The following SPTBN2 variants were observed in gnomAD, a reference collection of about 807,000 sequenced individuals.
The protein encoded by SPTBN2 is spectrin beta, non-erythrocytic 2, also known as spectrin beta chain, non-erythrocytic 2.
Under a neutral mutation model 284.2 loss-of-function variants are expected in SPTBN2, and 107 were observed. That is an observed-to-expected ratio of 0.38 (90% CI 0.32 to 0.44). SPTBN2 has a LOEUF of 0.44. Among genes scored for constraint, SPTBN2 ranks in the 20% least tolerant of loss-of-function variants. SPTBN2 has a pLI of 1.00. For missense variants in SPTBN2, 2,569 were observed against 3,287.1 expected (o/e 0.78, Z 5.34); for synonymous variants, 1,289 against 1,354.8 (o/e 0.95, Z 1.07).
chr11:66,693,813 T>A lies in SPTBN2; in HGVS notation c.4552A>T (p.Lys1518Ter). The change falls in exon 23 of 38, where the codon AAG (lysine) becomes TAG (stop). Residue 1518 changes from lysine (K) to a stop codon, truncating the protein, a stop_gained. Coordinates refer to ENST00000533211, the MANE Select transcript of SPTBN2 (RefSeq NM_006946.4). LOFTEE classifies it high-confidence loss of function. The surrounding 1 kb of genome is among the most constrained non-coding windows in gnomAD (Gnocchi z 5.7). ...LPMASSMEHG[K>*]DLPSVQLLMK... ...AGAAGCTGGACGCTGGGCAGGTCCT[T>A]GCCATGCTCCATGGAGCTGGCCATG... 3 of 1,613,912 alleles carry A rather than the reference T, an allele frequency of 1.9e-6. No individual in the cohort carries two copies. The highest frequency in any genetic ancestry group is 2.5e-6 in the Non-Finnish European group (3 of 1,179,954).
chr11:66,697,788 T>A (rs1941003572), intron 20 of SPTBN2, among the ~76,000 whole-genome samples: 1 of 152,136 alleles, frequency 6.6e-6, no homozygotes, highest in African/African-American at 2.4e-5. Flanking sequence ...CTGGCTACAG[T>A]GTTGTTCCTT....
chr11:66,720,954 T>C lies in SPTBN2; in HGVS notation c.157+130A>G, dbSNP rs551565852. ...GAGGCTGGATGTGGGGACCAGGGAA[T>C]TGATAGAGTGCTCTGGGTCTCCCAC... On this transcript the variant is annotated intron_variant, in intron 3 of 37. Transcript: ENST00000533211. 8.7e-6 allele frequency: 11 copies of C among 1,262,430 alleles called. No individual in the cohort carries two copies. The African/African-American group carries it at 1.0e-4, about 12-fold the overall frequency. 78.2% of individuals were successfully genotyped at this position (1,262,430 alleles called of 1,614,324 possible).
At chr11:66,721,825 C>G (rs889132145) in intron 1 of SPTBN2, among the ~76,000 whole-genome samples, 2 of 151,920 alleles carry the variant, frequency 1.3e-5, no homozygotes, top group Admixed American at 1.3e-4. Flanking sequence ...GTGGGTGGAT[C>G]ACCTGAGGTC....
intron 1 of SPTBN2, chr11:66,727,842 G>C (rs988694396): frequency 4.6e-5 from 7 of 150,564 alleles, no homozygotes; most frequent in African/African-American, 1.7e-4. Flanking sequence ...CCGGCGACGC[G>C]AGGGGCCGGC....
At chr11:66,719,224 C>G (rs1048942860) in intron 3 of SPTBN2, among the ~76,000 whole-genome samples, 1 of 152,230 alleles carries the variant, frequency 6.6e-6, no homozygotes, top group African/African-American at 2.4e-5. Context: ...ATCTGTGAAA[C>G]GAGGGCTGTT....
intron 15 of SPTBN2, among the ~76,000 whole-genome samples, chr11:66,703,961 G>C (rs1048406918): frequency 1.4e-5 from 2 of 146,724 alleles, no homozygotes; most frequent in South Asian, 4.3e-4. Flanking sequence ...ATGCTTCCTC[G>C]TATTTCTTTT....
chr11:66,741,473 A>G (rs1466216651), intron 1 of SPTBN2, among the ~76,000 whole-genome samples: 1 of 152,226 alleles, frequency 6.6e-6, no homozygotes, highest in African/African-American at 2.4e-5. Context: ...TGTCTTCATG[A>G]GAATGAACTA....
At chr11:66,702,790 T>G (rs557263206) in intron 15 of SPTBN2, among the ~76,000 whole-genome samples, 1 of 151,448 alleles carries the variant, frequency 6.6e-6, no homozygotes, top group South Asian at 2.1e-4. Context: ...TACAAAAAAT[T>G]AGCCAGGTGT....
rs1942398530 is a variant in SPTBN2 at position 66,721,430 on chromosome 11, A to C, written c.-103T>G. 1 of 725,924 alleles carries C rather than the reference A, an allele frequency of 1.4e-6. No homozygotes were observed. The highest frequency in any genetic ancestry group is 1.6e-5 in the South Asian group (1 of 63,274). The allele number at this position is 725,924 out of a possible 1,614,324, so 45.0% of individuals were successfully genotyped here. Reference sequence around the variant, plus strand: ...AGCCCCCAGGGGAAGAGGGGAAGCCACCTGGGAAGCCTGGGGACGGGAATA... The same window carrying C: ...AGCCCCCAGGGGAAGAGGGGAAGCCCCCTGGGAAGCCTGGGGACGGGAATA... On this transcript the variant is annotated 5_prime_UTR_variant, in exon 2 of 38. Transcript: ENST00000533211.
chr11:66,716,491 A>G (rs922298955), intron 3 of SPTBN2, among the ~76,000 whole-genome samples: 2 of 151,688 alleles, frequency 1.3e-5, no homozygotes, highest in Non-Finnish European at 2.9e-5. Context: ...AAAAAAAAAA[A>G]GAAAAGAAAA....
chr11:66,689,171 T>G lies in SPTBN2; in HGVS notation c.5959A>C (p.Lys1987Gln). 1 of 1,606,046 alleles carries G rather than the reference T, an allele frequency of 6.2e-7. No homozygotes were observed. The change falls in exon 30 of 38, where the codon AAG (lysine) becomes CAG (glutamine). Residue 1987 changes from lysine (K) to glutamine (Q), a missense_variant. Physicochemically the swap from Lys to Gln is moderately conservative, Grantham distance 53. Coordinates refer to ENST00000533211, the MANE Select transcript of SPTBN2 (RefSeq NM_006946.4). ...CGCCGTGCCTGCAGCTGAGACAGCT[T>G]CTCTGAGATCTGGGGGCGGGGGGCA... is the stretch of plus-strand genomic sequence containing the variant. The part of the protein sequence containing the change: ...SHYAAEEISE[K>Q]LSQLQARRQE...
At chr11:66,731,622 T>C (rs1031334089), upstream of SPTBN2, among the ~76,000 whole-genome samples, 2 of 152,196 alleles carry the variant, frequency 1.3e-5, no homozygotes, top group Non-Finnish European at 2.9e-5. Flanking sequence ...TCTCAGCTGG[T>C]TCCTTCCCAT....
In SPTBN2 at chr11:66,682,942, T is replaced by C. The variant is rs1477579611; in HGVS notation, c.*2929A>G. Among the ~76,000 whole-genome samples, 12 of 151,650 alleles carry C rather than the reference T, an allele frequency of 7.9e-5. No individual in the cohort carries two copies. In the East Asian group the frequency reaches 2.1e-3, roughly 27 times the overall value. ...TACACCTGGCTAATTTTTGTAGAGATGGGGTTTCACCATGTTGCCCAGGCT... is the reference window on the plus strand; with the variant it reads ...TACACCTGGCTAATTTTTGTAGAGACGGGGTTTCACCATGTTGCCCAGGCT... On this transcript the variant is annotated 3_prime_UTR_variant, in exon 38 of 38. Coordinates refer to ENST00000533211, the MANE Select transcript of SPTBN2 (RefSeq NM_006946.4).
chr11:66,697,334 G>A (rs1940976828), intron 20 of SPTBN2, among the ~76,000 whole-genome samples: 5 of 152,142 alleles, frequency 3.3e-5, no homozygotes, highest in Admixed American at 1.3e-4. Flanking sequence ...AGGCCATTTT[G>A]CAGGTGGCTG....
rs751849283 is a variant in SPTBN2 at position 66,684,313 on chromosome 11, C to T, written c.*1558G>A. 4.6e-5 allele frequency among the ~76,000 whole-genome samples: 7 copies of T among 152,164 alleles called. No homozygotes were observed. In the East Asian group the frequency reaches 9.6e-4, roughly 21 times the overall value. On this transcript the variant is annotated 3_prime_UTR_variant, in exon 38 of 38. Transcript: ENST00000533211. Reference sequence around the variant, plus strand: ...AACCAGAGACAAAGGAGAAGCCACCCGCTCCTTTCTAATACTTCATCAGAT... The same window carrying T: ...AACCAGAGACAAAGGAGAAGCCACCTGCTCCTTTCTAATACTTCATCAGAT...
rs1940243236 is a variant in SPTBN2 at position 66,687,842 on chromosome 11, A to C, written c.6501+26T>G. ...CTGGACCCTTCGCCTCACAGTTATCAACACCACACTTGCAGGGGAACTCAC... is the reference window on the plus strand; with the variant it reads ...CTGGACCCTTCGCCTCACAGTTATCCACACCACACTTGCAGGGGAACTCAC... On this transcript the variant is annotated intron_variant, in intron 34 of 37. Transcript: ENST00000533211. The surrounding 1 kb of genome is among the most constrained non-coding windows in gnomAD (Gnocchi z 5.2). 1 of 1,613,812 alleles carries C rather than the reference A, an allele frequency of 6.2e-7. No homozygotes were observed. The highest frequency in any genetic ancestry group is 1.7e-5 in the Admixed American group (1 of 60,010).
At position 66,686,402 on chromosome 11, in the gene SPTBN2, T is replaced by C; in HGVS notation, c.6935A>G (p.Asp2312Gly). ...GGAACACGAAGGACAGCTCACCTCA[T>C]CCTTGGCCTGGAATAAATATTCTTT... ...DGKEYLFQAKDEAEMSSWLRV... is the reference protein window; with the variant it reads ...DGKEYLFQAKGEAEMSSWLRV... Residue 2312 changes from aspartate (D) to glycine (G), a missense_variant, in exon 37 of 38, where the codon GAT becomes GGT. Transcript: ENST00000533211. 1 of 1,614,126 alleles carries C rather than the reference T, an allele frequency of 6.2e-7. No homozygotes were observed. Among genetic ancestry groups the C allele is most frequent in the Non-Finnish European group, 8.5e-7 (1 of 1,179,990 alleles).
intron 7 of SPTBN2, 54 bp from the exon 8 acceptor site, chr11:66,713,800 G>C: frequency 2.1e-6 from 3 of 1,403,800 alleles, no homozygotes; most frequent in Non-Finnish European, 1.0e-6. Context: ...TCTCGAAGAG[G>C]AAGAGGAAAC....
At chr11:66,727,006 G>C (rs1942641420) in intron 1 of SPTBN2, among the ~76,000 whole-genome samples, 1 of 152,158 alleles carries the variant, frequency 6.6e-6, no homozygotes, top group Non-Finnish European at 1.5e-5. Context: ...TTAGGAACTG[G>C]GCTGAAGAGG....
Sources: gnomAD v4.1 joint callset for allele counts (sites outside exome capture counted in the v4.1 genomes callset) on GRCh38, gnomAD v4.1.1 for gene constraint, Gnocchi (gnomAD v3.1) non-coding constraint, MANE v1.5 for transcripts, NCBI Gene and HGNC (gene_info 2026-07-23, HGNC 2026-07-21) for gene names.